Variants in SMC1B observed in about 807,000 individuals in gnomAD.
SMC1B encodes the protein structural maintenance of chromosomes protein 1B.
Under a neutral mutation model 157.9 loss-of-function variants are expected in SMC1B, and 60 were observed. The ratio of observed to expected loss-of-function variants is 0.38; its 90% confidence interval spans 0.31 to 0.47. The LOEUF (loss-of-function observed/expected upper bound fraction) is 0.47, where lower values mean the gene tolerates loss of function less well. Among genes scored for constraint, SMC1B ranks in the 20% least tolerant of loss-of-function variants. The pLI is 0.99. For missense variants in SMC1B, 1,165 were observed against 1,426.2 expected (o/e 0.82, Z 2.95); for synonymous variants, 445 against 483.0 (o/e 0.92, Z 1.03).
At position 45,375,314 on chromosome 22, in the gene SMC1B, T is replaced by C. The variant is rs543343427; in HGVS notation, c.2059-3022A>G. On this transcript the variant is annotated intron_variant, in intron 12 of 24. Transcript: ENST00000357450. ...AGAGCGAACCAATATTCATCTTACA[T>C]ATGTTGATCGATGTCTCATTTCTCC... 2.6e-4 allele frequency among the ~76,000 whole-genome samples: 39 copies of C among 152,324 alleles called. No homozygotes were observed. In the South Asian group the frequency reaches 8.1e-3, roughly 32 times the overall value.
At chr22:45,396,237 G>C (rs2087122027) in intron 7 of SMC1B, 109 bp downstream of exon 7, 1 of 840,524 alleles carries the variant, frequency 1.2e-6, no homozygotes, top group Admixed American at 3.0e-5. Flanking sequence ...TAAATGAAAT[G>C]AGACAGTATA....
intron 21 of SMC1B, among the ~76,000 whole-genome samples, chr22:45,352,988 G>C (rs1195499915): frequency 6.6e-6 from 1 of 152,128 alleles, no homozygotes; most frequent in African/African-American, 2.4e-5. Flanking sequence ...TGTTTTCAAA[G>C]AATTAGGCAT....
chr22:45,399,120 C>A lies in SMC1B; in HGVS notation c.1088G>T (p.Arg363Leu), dbSNP rs573215133. 1 of 1,613,380 alleles carries A rather than the reference C, an allele frequency of 6.2e-7. No homozygotes were observed. Among genetic ancestry groups the A allele is most frequent in the Non-Finnish European group, 8.5e-7 (1 of 1,179,930 alleles). Reference protein sequence around the residue: ...QIEEEILHKKRDIELEASQLD... With the variant: ...QIEEEILHKKLDIELEASQLD... ...CTGACTGGCTTCCAGTTCAATGTCT[C>A]GCTTTTTATGTAAAATTTCTTCCTC... Residue 363 changes from arginine (R) to leucine (L), a missense_variant, in exon 6 of 25, where the codon CGA (arginine) becomes CTA (leucine). Physicochemically the swap from Arg to Leu is moderately radical, Grantham distance 102 (BLOSUM62 -2). Coordinates refer to ENST00000357450, the MANE Select transcript of SMC1B (RefSeq NM_148674.5).
chr22:45,370,200 A>C (rs1226909447), intron 14 of SMC1B, 140 bp from the exon 15 acceptor site: 2 of 438,476 alleles, frequency 4.6e-6, no homozygotes, highest in African/African-American at 4.1e-5. Context: ...CTGAGAAGCC[A>C]GTACTTTTTT....
At chr22:45,409,922 A>G (rs1463905566) in intron 1 of SMC1B, among the ~76,000 whole-genome samples, 1 of 152,202 alleles carries the variant, frequency 6.6e-6, no homozygotes, top group East Asian at 1.9e-4. Context: ...GGTCTGGCCT[A>G]AGAAGATTCT....
intron 2 of SMC1B, among the ~76,000 whole-genome samples, chr22:45,407,555 G>A (rs897505149): frequency 1.3e-5 from 2 of 151,588 alleles, no homozygotes; most frequent in South Asian, 2.1e-4. Flanking sequence ...TAGACCTCCC[G>A]GACTCAAGTC....
At position 45,402,575 on chromosome 22, in the gene SMC1B, T is replaced by TA. The variant is rs983808780; in HGVS notation, c.616-5dup. 1.9e-6 allele frequency: 3 copies of TA among 1,601,008 alleles called. No homozygotes were observed. The highest frequency in any genetic ancestry group is 2.6e-6 in the Non-Finnish European group (3 of 1,170,606). ...GGAGACTCTGGTAACGTTCTGCCTA[T>TA]AAAAGAGTATAATTCAACAGCAGTT... On this transcript the variant is annotated splice_region_variant and splice_polypyrimidine_tract_variant and intron_variant, in intron 4 of 24. Transcript: ENST00000357450.
Position 45,352,569 on chromosome 22 carries a change from A to C in SMC1B, c.3307T>G (p.Tyr1103Asp). ...FLSPENPEEP[Y>D]LEGISYNCVA... Reference sequence around the variant, plus strand: ...CAGTTATAGCTAATTCCCTCCAAGTAAGGTTCTTCAGGGTTCTCTGGGCTA... The same window carrying C: ...CAGTTATAGCTAATTCCCTCCAAGTCAGGTTCTTCAGGGTTCTCTGGGCTA... Residue 1103 changes from tyrosine to aspartate, a missense_variant, in exon 22 of 25, where the codon TAC becomes GAC. Tyr to Asp is a radical substitution (Grantham distance 160, BLOSUM62 -3). Coordinates refer to ENST00000357450, the MANE Select transcript of SMC1B (RefSeq NM_148674.5). 1.2e-6 allele frequency: 2 copies of C among 1,613,286 alleles called. No individual in the cohort carries two copies. The highest frequency in any genetic ancestry group is 1.7e-6 in the Non-Finnish European group (2 of 1,179,368).
intron 2 of SMC1B, among the ~76,000 whole-genome samples, chr22:45,407,817 C>T (rs557286024): frequency 6.6e-6 from 1 of 152,182 alleles, no homozygotes; most frequent in African/African-American, 2.4e-5. Context: ...GCCTCTACCC[C>T]TGTCACATGT....
chr22:45,400,867 T>C (rs2087184511), intron 5 of SMC1B, among the ~76,000 whole-genome samples: 1 of 152,152 alleles, frequency 6.6e-6, no homozygotes, highest in Non-Finnish European at 1.5e-5. Flanking sequence ...TCTGTGGGCT[T>C]CCTCCCCACA....
intron 1 of SMC1B, 35 bp from the exon 2 acceptor site, chr22:45,408,933 T>G (rs1289417389): frequency 1.5e-6 from 2 of 1,344,696 alleles, no homozygotes; most frequent in Non-Finnish European, 2.0e-6. Context: ...TTATTCATTC[T>G]TAATGATAAA....
chr22:45,351,775 C>T (rs931801204), intron 22 of SMC1B, among the ~76,000 whole-genome samples: 2 of 152,130 alleles, frequency 1.3e-5, no homozygotes, highest in African/African-American at 2.4e-5. Context: ...AGCATCTGTA[C>T]TTTAGATCTT....
chr22:45,371,713 T>C (rs1342327386), intron 13 of SMC1B, 126 bp from the exon 14 acceptor site: 9 of 1,123,900 alleles, frequency 8.0e-6, no homozygotes, highest in Non-Finnish European at 1.1e-5. Flanking sequence ...TTCACCTGGA[T>C]AAAAGGTTAA....
chr22:45,373,953 T>TA (rs1182642157), intron 12 of SMC1B, among the ~76,000 whole-genome samples: 4 of 151,608 alleles, frequency 2.6e-5, no homozygotes, highest in African/African-American at 7.3e-5. Flanking sequence ...GAAAACATTC[T>TA]AAAAAAAAGG....
intron 4 of SMC1B, among the ~76,000 whole-genome samples, chr22:45,406,121 G>A (rs1156572361): frequency 6.6e-6 from 1 of 152,068 alleles, no homozygotes; most frequent in East Asian, 1.9e-4. Context: ...TAACCCATAT[G>A]AACAAAAACT....
chr22:45,351,106 A>G (rs1043464519), intron 22 of SMC1B, among the ~76,000 whole-genome samples: 3 of 152,214 alleles, frequency 2.0e-5, no homozygotes, highest in African/African-American at 7.2e-5. Flanking sequence ...TAATATTGCT[A>G]ACCACTTCCC....
At chr22:45,360,561 CCAGCA>C (rs2086711801) in intron 17 of SMC1B, among the ~76,000 whole-genome samples, 1 of 151,910 alleles carries the variant, frequency 6.6e-6, no homozygotes, top group Non-Finnish European at 1.5e-5. Context: ...CGCCTGTAAT[CCAGCA>C]CTTTGGAAGG....
At chr22:45,363,690 A>G (rs771030182) in intron 15 of SMC1B, among the ~76,000 whole-genome samples, 5 of 115,126 alleles carry the variant, frequency 4.3e-5, no homozygotes, top group Non-Finnish European at 8.7e-5. Context: ...AAACAAAAGC[A>G]GATACAAAAA....
rs138364608 is a variant in SMC1B at position 45,390,523 on chromosome 22, T to C, written c.1546-626A>G. ...GAGATCGAGACCATCCTGGTCAACA[T>C]GGTGAAACCTTGTCTCTACTAAAAA... On this transcript the variant is annotated intron_variant, in intron 9 of 24. Transcript: ENST00000357450. Among the ~76,000 whole-genome samples, 1,022 of 151,868 alleles carry C rather than the reference T, an allele frequency of 6.7e-3. 6 individuals carry two copies. The highest frequency in any genetic ancestry group is 0.014 in the Middle Eastern group (4 of 294).
Sources: allele counts gnomAD v4.1 joint callset (sites outside exome capture counted in the v4.1 genomes callset), GRCh38; gene constraint gnomAD v4.1.1; transcripts MANE v1.5; gene names NCBI Gene and HGNC (gene_info 2026-07-23, HGNC 2026-07-21).